Variants in GNAI1 observed in about 807,000 individuals in gnomAD.
GNAI1 encodes the protein G protein subunit alpha i1.
Under a neutral mutation model 38.9 loss-of-function variants are expected in GNAI1, and 11 were observed. The observed-to-expected ratio is 0.28, with a 90% CI of 0.18 to 0.47. The LOEUF is 0.47. GNAI1 is among the 20% of genes least tolerant of loss of function. The probability of loss-of-function intolerance (pLI) is 0.99; values close to 1 mark genes in which losing one functional copy is unlikely to be tolerated. For missense variants in GNAI1, 317 were observed against 436.9 expected (o/e 0.73, Z 2.45); for synonymous variants, 166 against 145.1 (o/e 1.14, Z -1.04).
intron 4 of GNAI1, among the ~76,000 whole-genome samples, chr7:80,200,698 A>G (rs760500223): frequency 2.0e-5 from 3 of 152,344 alleles, no homozygotes; most frequent in Non-Finnish European, 4.4e-5. Flanking sequence ...TTAAGAAATA[A>G]TGAATATTGT....
At chr7:80,182,342 G>T (rs1788309612) in intron 1 of GNAI1, among the ~76,000 whole-genome samples, 1 of 152,088 alleles carries the variant, frequency 6.6e-6, no homozygotes. Flanking sequence ...TTTCCTTTGT[G>T]TGCATACATT....
rs1169746594 is a variant in GNAI1, at chr7:80,225,831, G to GA, written c.*8343dup. The stretch of plus-strand genomic sequence containing the variant: ...CATTAGTTTAATGGGATCGATCTGA[G>GA]AAAAATTAGATTTATGTGCAGATTT... On this transcript the variant is annotated 3_prime_UTR_variant, in exon 8 of 8. Coordinates refer to ENST00000649796, the MANE Select transcript of GNAI1 (RefSeq NM_002069.6). 6.6e-6 allele frequency among the ~76,000 whole-genome samples: 1 copy of GA among 152,106 alleles called. No homozygotes were observed. The highest frequency in any genetic ancestry group is 1.5e-5 in the Non-Finnish European group (1 of 68,014).
intron 3 of GNAI1, among the ~76,000 whole-genome samples, chr7:80,198,029 A>G (rs1402026174): frequency 6.6e-6 from 1 of 152,044 alleles, no homozygotes; most frequent in Non-Finnish European, 1.5e-5. Context: ...GTTAAGGAGA[A>G]TCTCTGTGAA....
intron 1 of GNAI1, among the ~76,000 whole-genome samples, chr7:80,143,094 C>G (rs991468825): frequency 3.9e-5 from 6 of 152,208 alleles, no homozygotes; most frequent in Admixed American, 3.3e-4. Context: ...GCAGACTGTT[C>G]TTTATGTCTT....
rs1482655008 is a variant in GNAI1 at position 80,218,432 on chromosome 7, T to C, written c.*939T>C. On this transcript the variant is annotated 3_prime_UTR_variant, in exon 8 of 8. Coordinates refer to ENST00000649796, the MANE Select transcript of GNAI1 (RefSeq NM_002069.6). ...TAAGTTTGGAGGGATCCTAAGAGCATTTTTGTGGGTAAAAAAAAAACCTGT... is the reference window on the plus strand; with the variant it reads ...TAAGTTTGGAGGGATCCTAAGAGCACTTTTGTGGGTAAAAAAAAAACCTGT... 6.6e-6 allele frequency: 1 copy of C among 151,996 alleles called. No individual in the cohort carries two copies. The highest frequency in any genetic ancestry group is 6.6e-5 in the Admixed American group (1 of 15,262). The allele number at this position is 151,996 out of a possible 1,614,324, so 9.4% of individuals were successfully genotyped here. A position where few individuals can be genotyped will look rare whatever the true frequency, so the allele number is the denominator to read the frequency against.
intron 5 of GNAI1, among the ~76,000 whole-genome samples, chr7:80,208,093 C>T (rs1423882060): frequency 6.6e-6 from 1 of 152,074 alleles, no homozygotes; most frequent in East Asian, 1.9e-4. Flanking sequence ...GTTTTGGTGA[C>T]AGTGGTATTA....
intron 1 of GNAI1, among the ~76,000 whole-genome samples, chr7:80,176,553 T>A (rs888954381): frequency 2.0e-5 from 3 of 152,196 alleles, no homozygotes; most frequent in South Asian, 2.1e-4. Flanking sequence ...AAGGACAGAC[T>A]TACTCTCTTG....
At chr7:80,208,720 C>G (rs558866947) in intron 5 of GNAI1, among the ~76,000 whole-genome samples, 23 of 152,118 alleles carry the variant, frequency 1.5e-4, no homozygotes, top group Non-Finnish European at 2.9e-4. Context: ...CTCAGTTTAT[C>G]TCTTCCACTC....
chr7:80,162,817 T>C (rs1318030755), intron 1 of GNAI1, among the ~76,000 whole-genome samples: 1 of 152,126 alleles, frequency 6.6e-6, no homozygotes, highest in Non-Finnish European at 1.5e-5. Flanking sequence ...AGACATCCTG[T>C]GGGAAGAGAT....
chr7:80,207,870 G>A (rs1178086876), intron 5 of GNAI1, among the ~76,000 whole-genome samples: 1 of 152,068 alleles, frequency 6.6e-6, no homozygotes, highest in Non-Finnish European at 1.5e-5. Flanking sequence ...CAGTGTCTAT[G>A]TGGATCATTT....
At chr7:80,139,827 A>G (rs1787490982) in intron 1 of GNAI1, among the ~76,000 whole-genome samples, 1 of 151,830 alleles carries the variant, frequency 6.6e-6, no homozygotes, top group Admixed American at 6.6e-5. Context: ...ATTGTATTTG[A>G]TAAATTAAAG....
chr7:80,152,849 G>A lies in GNAI1; in HGVS notation c.118+17571G>A, dbSNP rs368062400. ...GCCTCCCAAAGTGCTGGGATTACAGGCATGAGCCACTGCACCCGGCCAGAT... is the reference window on the plus strand; with the variant it reads ...GCCTCCCAAAGTGCTGGGATTACAGACATGAGCCACTGCACCCGGCCAGAT... On this transcript the variant is annotated intron_variant, in intron 1 of 7. Coordinates refer to ENST00000649796, the MANE Select transcript of GNAI1 (RefSeq NM_002069.6). Among the ~76,000 whole-genome samples, 9 of 151,836 alleles carry A rather than the reference G, an allele frequency of 5.9e-5. 1 individual carries two copies. The South Asian group carries it at 1.9e-3, about 32-fold the overall frequency.
chr7:80,142,782 C>G (rs975203387), intron 1 of GNAI1, among the ~76,000 whole-genome samples: 1 of 152,148 alleles, frequency 6.6e-6, no homozygotes, highest in Non-Finnish European at 1.5e-5. Context: ...ATTCCTAACA[C>G]ATTTCTAAAA....
At chr7:80,216,406 AAAAG>A (rs1396840482) in intron 7 of GNAI1, among the ~76,000 whole-genome samples, 2 of 152,270 alleles carry the variant, frequency 1.3e-5, no homozygotes, top group East Asian at 1.9e-4. Flanking sequence ...AGACCTTAAT[AAAAG>A]AAAGAACACA....
At chr7:80,208,365 C>T (rs1380640397) in intron 5 of GNAI1, among the ~76,000 whole-genome samples, 1 of 152,014 alleles carries the variant, frequency 6.6e-6, no homozygotes, top group African/African-American at 2.4e-5. Flanking sequence ...TTTTAGCTAC[C>T]ATTATATGGA....
chr7:80,179,906 A>G (rs1225184154), intron 1 of GNAI1, among the ~76,000 whole-genome samples: 4 of 152,112 alleles, frequency 2.6e-5, no homozygotes, highest in African/African-American at 9.7e-5. Flanking sequence ...CAGAGGATAT[A>G]TTACCTTTAT....
In GNAI1 at chr7:80,211,106, G is replaced by C. The variant is rs1387445672; in HGVS notation, c.720+8G>C. ...GCTGAAGATGAAGAAATGGCAAGTA[G>C]AACTACTTTAAGAGTTGAGCTTGAA... On this transcript the variant is annotated splice_region_variant and intron_variant, in intron 6 of 7. Coordinates refer to ENST00000649796, the MANE Select transcript of GNAI1 (RefSeq NM_002069.6). 1 of 1,612,250 alleles carries C rather than the reference G, an allele frequency of 6.2e-7. No homozygotes were observed. Among genetic ancestry groups the C allele is most frequent in the Non-Finnish European group, 8.5e-7 (1 of 1,178,566 alleles).
At chr7:80,192,066 C>T (rs539659220) in intron 3 of GNAI1, among the ~76,000 whole-genome samples, 39 of 152,258 alleles carry the variant, frequency 2.6e-4, no homozygotes, top group Middle Eastern at 6.8e-3. Context: ...CACATTGATT[C>T]TGTTTAAGTA....
chr7:80,168,813 C>T (rs917875959), intron 1 of GNAI1, among the ~76,000 whole-genome samples: 1 of 152,152 alleles, frequency 6.6e-6, no homozygotes, highest in African/African-American at 2.4e-5. Context: ...TAATAAATCC[C>T]CATTGCTTCT....
Sources: allele counts gnomAD v4.1 joint callset (sites outside exome capture counted in the v4.1 genomes callset), GRCh38; gene constraint gnomAD v4.1.1; transcripts MANE v1.5; gene names NCBI Gene and HGNC (gene_info 2026-07-23, HGNC 2026-07-21).